Variants in ABR observed in about 807,000 individuals in gnomAD.
ABR encodes the protein ABR activator of RhoGEF and GTPase, also known as active breakpoint cluster region-related protein.
ABR carries 35 observed loss-of-function variants against 107.2 expected under a neutral mutation model. The ratio of observed to expected loss-of-function variants is 0.33; its 90% CI spans 0.25 to 0.43. ABR has a LOEUF of 0.43. Ranked by LOEUF, ABR falls within the 20% of genes least tolerant of loss-of-function variation. ABR has a pLI of 1.00. For missense variants in ABR, 815 were observed against 1,115.2 expected, an observed-to-expected ratio of 0.73 and a Z score of 3.83; for synonymous variants, 498 against 462.0, an observed-to-expected ratio of 1.08 and a Z score of -1.00.
chr17:1,212,370 G>A (rs1407583199), intron 1 of ABR, among the ~76,000 whole-genome samples: 1 of 152,102 alleles, frequency 6.6e-6, no homozygotes, highest in Non-Finnish European at 1.5e-5. Context: ...GTTTGAGGCT[G>A]CAGTGAGCCC....
intron 5 of ABR, among the ~76,000 whole-genome samples, chr17:1,083,099 G>A (rs1371303231): frequency 6.9e-6 from 1 of 145,702 alleles, no homozygotes; most frequent in Non-Finnish European, 1.5e-5. Flanking sequence ...ACTCCAGCCT[G>A]GGCGACAGAG....
At chr17:1,075,335 C>T (rs1215777025) in intron 6 of ABR, among the ~76,000 whole-genome samples, 1 of 152,262 alleles carries the variant, frequency 6.6e-6, no homozygotes, top group Non-Finnish European at 1.5e-5. Context: ...GAAGAAGGAT[C>T]CCAGACTGGG....
intron 1 of ABR, among the ~76,000 whole-genome samples, chr17:1,219,941 A>C (rs538383392): frequency 1.3e-4 from 19 of 151,766 alleles, no homozygotes; most frequent in Non-Finnish European, 2.4e-4. Flanking sequence ...TGCTTTGCAG[A>C]GAGTAGGTAC....
At chr17:1,226,067 A>G (rs2043207835) in intron 1 of ABR, among the ~76,000 whole-genome samples, 1 of 152,216 alleles carries the variant, frequency 6.6e-6, no homozygotes, top group Admixed American at 6.5e-5. Flanking sequence ...TTGAGAGAGA[A>G]AAACCCCTGC....
At chr17:1,219,081 T>C (rs2043066616) in intron 1 of ABR, among the ~76,000 whole-genome samples, 1 of 152,054 alleles carries the variant, frequency 6.6e-6, no homozygotes, top group South Asian at 2.1e-4. Flanking sequence ...CTCACTCTGT[T>C]GTCCAGGCTG....
intron 1 of ABR, among the ~76,000 whole-genome samples, chr17:1,195,033 C>A (rs551858252): frequency 6.8e-6 from 1 of 147,770 alleles, no homozygotes; most frequent in East Asian, 2.3e-4. Context: ...TCAGGCCAGG[C>A]GCGGTGGCTC....
upstream of ABR, among the ~76,000 whole-genome samples, chr17:1,188,840 G>A (rs144711668): frequency 3.0e-3 from 457 of 152,290 alleles, 3 homozygotes; most frequent in Admixed American, 4.8e-3. Flanking sequence ...TGACCCAGCT[G>A]CCTTCACAAG....
intron 16 of ABR, among the ~76,000 whole-genome samples, chr17:1,045,855 C>T (rs2031507119): frequency 6.6e-6 from 1 of 152,072 alleles, no homozygotes; most frequent in Non-Finnish European, 1.5e-5. Context: ...TGCTAAGTAC[C>T]CCTCCTGCTG....
At chr17:1,025,374 G>A (rs112393947) in intron 16 of ABR, among the ~76,000 whole-genome samples, 1,898 of 152,276 alleles carry the variant, frequency 0.012, 44 homozygotes, top group African/African-American at 0.043. Flanking sequence ...CACCTTGTAA[G>A]TGTCACCTCA....
chr17:1,157,956 A>G lies in ABR; in HGVS notation c.61+21711T>C, dbSNP rs1349444847. Among the ~76,000 whole-genome samples the G allele has an allele frequency of 6.6e-6, 1 of 152,222 alleles. No individual in the cohort carries two copies. Among genetic ancestry groups the G allele is most frequent in the Non-Finnish European group, 1.5e-5 (1 of 68,030 alleles). On this transcript the variant is annotated intron_variant, in intron 1 of 22. Coordinates refer to ENST00000302538, the MANE Select transcript of ABR (RefSeq NM_021962.5). This position sits in a 1 kb window ranked among gnomAD's most constrained non-coding sequence, Gnocchi z 4.7. The stretch of plus-strand genomic sequence containing the variant: ...GGGCAGGTATTACTTTATGAGGCTC[A>G]TTTCAAGCGTGCATGGGTATATGTG...
At chr17:1,076,443 A>G (rs985090254) in intron 6 of ABR, among the ~76,000 whole-genome samples, 43 of 152,108 alleles carry the variant, frequency 2.8e-4, no homozygotes, top group African/African-American at 1.0e-3. Context: ...GGAGAACCCC[A>G]GAGACCCAAA....
In ABR at chr17:1,050,701, T is replaced by C. The variant is rs922544146; in HGVS notation, c.1562-67A>G. Reference sequence around the variant, plus strand: ...CAGGGTGGGGCAGCTGGGGCGGCACTCAGGATGGAGGGGGACATCGCATCT... The same window carrying C: ...CAGGGTGGGGCAGCTGGGGCGGCACCCAGGATGGAGGGGGACATCGCATCT... On this transcript the variant is annotated intron_variant, in intron 14 of 22. Transcript: ENST00000302538. The surrounding 1 kb of genome is among the most constrained non-coding windows in gnomAD (Gnocchi z 4.6). 1.5e-6 allele frequency: 2 copies of C among 1,312,510 alleles called. No homozygotes were observed. Among genetic ancestry groups the C allele is most frequent in the African/African-American group, 2.9e-5 (2 of 69,046 alleles). 81.3% of individuals were successfully genotyped at this position (1,312,510 alleles called of 1,614,324 possible).
At chr17:1,199,070 G>A (rs2150713272) in intron 1 of ABR, among the ~76,000 whole-genome samples, 1 of 139,078 alleles carries the variant, frequency 7.2e-6, no homozygotes, top group South Asian at 2.3e-4. Flanking sequence ...AAAAAAAAGA[G>A]GTGCCTGGTT....
At chr17:1,034,608 G>A (rs779321957) in intron 16 of ABR, among the ~76,000 whole-genome samples, 2 of 152,176 alleles carry the variant, frequency 1.3e-5, no homozygotes, top group African/African-American at 2.4e-5. Context: ...CCTCGGGGCT[G>A]TAGGGAAAGG....
At chr17:1,187,605 A>G (rs1444171554), upstream of ABR, among the ~76,000 whole-genome samples, 1 of 152,098 alleles carries the variant, frequency 6.6e-6, no homozygotes, top group Non-Finnish European at 1.5e-5. Flanking sequence ...ATATCCTCAA[A>G]TGGGCCGGGT....
chr17:1,158,348 G>A (rs1457597299), intron 1 of ABR, among the ~76,000 whole-genome samples: 2 of 151,622 alleles, frequency 1.3e-5, no homozygotes, highest in East Asian at 2.0e-4. Flanking sequence ...CAGCCGCCTC[G>A]GCCTCCCAGA....
In ABR at chr17:1,006,014, G is replaced by T; in HGVS notation, c.*66C>A. The stretch of plus-strand genomic sequence containing the variant: ...GGAGTTTTCTATTGCAGTCTTTCAA[G>T]TCTGAGTTGGACCCCAGGCTGGAGG... On this transcript the variant is annotated 3_prime_UTR_variant, in exon 23 of 23. Transcript: ENST00000302538. 1 of 1,404,224 alleles carries T rather than the reference G, an allele frequency of 7.1e-7. No homozygotes were observed. Among genetic ancestry groups the T allele is most frequent in the Non-Finnish European group, 9.9e-7 (1 of 1,013,594 alleles). The allele number at this position is 1,404,224 out of a possible 1,614,324, so 87.0% of individuals were successfully genotyped here.
At chr17:1,155,762 G>A (rs1022842421) in intron 1 of ABR, among the ~76,000 whole-genome samples, 1 of 151,914 alleles carries the variant, frequency 6.6e-6, no homozygotes, top group Non-Finnish European at 1.5e-5. Context: ...TCAGGAGTTT[G>A]AGACCAGCCT....
At chr17:1,023,937 A>G (rs555595332) in intron 16 of ABR, among the ~76,000 whole-genome samples, 2 of 148,192 alleles carry the variant, frequency 1.3e-5, no homozygotes, top group South Asian at 4.4e-4. Flanking sequence ...AGGCAGGAGA[A>G]CCGCTTGAAC....
Sources: allele counts gnomAD v4.1 joint callset (sites outside exome capture counted in the v4.1 genomes callset), GRCh38; gene constraint gnomAD v4.1.1; non-coding constraint Gnocchi (gnomAD v3.1); transcripts MANE v1.5; gene names NCBI Gene and HGNC (gene_info 2026-07-23, HGNC 2026-07-21).